GRIK2: variants seen among roughly 807,000 people sequenced by gnomAD.
GRIK2 encodes glutamate receptor ionotropic, kainate 2.
Under a neutral mutation model 100.3 loss-of-function variants are expected in GRIK2, and 32 were observed. The observed-to-expected ratio is 0.32, with a 90% CI of 0.24 to 0.43. The LOEUF (loss-of-function observed/expected upper bound fraction) is 0.43. GRIK2 is among the 20% of genes least tolerant of loss of function. GRIK2 has a pLI of 1.00. For synonymous variants in GRIK2, 417 were observed against 389.4 expected (o/e 1.07, Z -0.83); for missense variants, 843 against 1,114.9 (o/e 0.76, Z 3.47).
chr6:101,446,579 A>T (rs1435399969), intron 2 of GRIK2, among the ~76,000 whole-genome samples: 1 of 151,894 alleles, frequency 6.6e-6, no homozygotes, highest in East Asian at 1.9e-4. Context: ...ATTACATCAG[A>T]TAGTCAAGCT....
intron 2 of GRIK2, among the ~76,000 whole-genome samples, chr6:101,406,736 A>C (rs1775612225): frequency 6.6e-6 from 1 of 152,166 alleles, no homozygotes; most frequent in Admixed American, 6.5e-5. Flanking sequence ...CATTTGATAC[A>C]CAGTCTTTTT....
intron 4 of GRIK2, among the ~76,000 whole-genome samples, chr6:101,658,523 T>C (rs2128332395): frequency 6.6e-6 from 1 of 152,342 alleles, no homozygotes. Context: ...TACGTGTGCA[T>C]GTGTCTTTAT....
intron 7 of GRIK2, among the ~76,000 whole-genome samples, chr6:101,750,805 A>T (rs1394308766): frequency 6.6e-6 from 1 of 152,206 alleles, no homozygotes; most frequent in Non-Finnish European, 1.5e-5. Flanking sequence ...GGAGCTTGGT[A>T]GAGGAATAAT....
intron 14 of GRIK2, among the ~76,000 whole-genome samples, chr6:101,997,745 C>T (rs899117996): frequency 7.3e-5 from 11 of 151,718 alleles, no homozygotes; most frequent in African/African-American, 2.7e-4. Flanking sequence ...TAATTACATT[C>T]TATTGATTTT....
At chr6:101,866,677 T>C (rs1220305164) in intron 11 of GRIK2, among the ~76,000 whole-genome samples, 1 of 152,126 alleles carries the variant, frequency 6.6e-6, no homozygotes, top group Non-Finnish European at 1.5e-5. Context: ...CTATTTGAAT[T>C]TGGTCAAATA....
intron 12 of GRIK2, among the ~76,000 whole-genome samples, chr6:101,906,366 C>CTGTGTGTGTGTGTGTG (rs141112872): frequency 0.027 from 4,001 of 145,700 alleles, 68 homozygotes; most frequent in Admixed American, 0.041. Flanking sequence ...AAAACAAGAT[C>CTGTGTGTGTGTGTGTG]TGTGTGTGTG....
At position 101,719,363 on chromosome 6, in the gene GRIK2, A is replaced by G. The variant is rs149875626; in HGVS notation, c.951+33010A>G. On this transcript the variant is annotated intron_variant, in intron 7 of 16. Coordinates refer to ENST00000369134, the MANE Select transcript of GRIK2 (RefSeq NM_021956.5). ...AGCAGAGGAGTTGTTAACAAAATAT[A>G]CTTTCACTGCTAGCCAAACTATATA... 5.1e-4 allele frequency among the ~76,000 whole-genome samples: 78 copies of G among 151,958 alleles called. 1 individual carries two copies. The East Asian group carries it at 0.014, about 28-fold the overall frequency.
intron 10 of GRIK2, among the ~76,000 whole-genome samples, chr6:101,843,506 A>C (rs907039359): frequency 6.6e-6 from 1 of 152,130 alleles, no homozygotes; most frequent in African/African-American, 2.4e-5. Flanking sequence ...AATAATTTCT[A>C]TCCCATGTGC....
At chr6:101,894,474 A>G (rs1787310545) in intron 12 of GRIK2, among the ~76,000 whole-genome samples, 1 of 151,670 alleles carries the variant, frequency 6.6e-6, no homozygotes, top group African/African-American at 2.4e-5. Context: ...CCAAAATTCT[A>G]ATGGTAGCTC....
At chr6:101,753,282 C>CAAAAAAA in intron 7 of GRIK2, among the ~76,000 whole-genome samples, 1 of 70,890 alleles carries the variant, frequency 1.4e-5, no homozygotes. Flanking sequence ...GACTCCGTCT[C>CAAAAAAA]AAAAAAAAAA....
At chr6:101,558,118 G>T (rs1415958003) in intron 2 of GRIK2, among the ~76,000 whole-genome samples, 1 of 152,102 alleles carries the variant, frequency 6.6e-6, no homozygotes, top group Non-Finnish European at 1.5e-5. Context: ...TTTTCTAAAG[G>T]TCATTTCTTC....
intron 4 of GRIK2, among the ~76,000 whole-genome samples, chr6:101,674,589 C>T (rs1480266068): frequency 6.6e-6 from 1 of 152,172 alleles, no homozygotes; most frequent in Non-Finnish European, 1.5e-5. Context: ...TGTTTCTTTA[C>T]AGCTCAATGT....
chr6:101,590,615 T>C (rs1343207369), intron 2 of GRIK2, among the ~76,000 whole-genome samples: 1 of 151,992 alleles, frequency 6.6e-6, no homozygotes, highest in Non-Finnish European at 1.5e-5. Context: ...ACACCAGCTC[T>C]GACCCAGGAT....
chr6:101,610,300 A>T (rs1023769529), intron 2 of GRIK2, among the ~76,000 whole-genome samples: 1 of 151,652 alleles, frequency 6.6e-6, no homozygotes, highest in Non-Finnish European at 1.5e-5. Flanking sequence ...TGCTTTATGA[A>T]TAATACTATT....
At chr6:102,065,737 G>C in intron 16 of GRIK2, 3 of 1,042,694 alleles carry the variant, frequency 2.9e-6, no homozygotes, top group Non-Finnish European at 2.8e-6. Flanking sequence ...AATGTCAACG[G>C]GATCAAGTTT....
At chr6:101,564,398 A>T (rs1169663829) in intron 2 of GRIK2, among the ~76,000 whole-genome samples, 1 of 152,178 alleles carries the variant, frequency 6.6e-6, no homozygotes, top group Non-Finnish European at 1.5e-5. Flanking sequence ...GTGAGACTGT[A>T]TCAAAGCCTT....
chr6:101,624,301 A>G (rs978154529), intron 3 of GRIK2, among the ~76,000 whole-genome samples: 1 of 152,150 alleles, frequency 6.6e-6, no homozygotes, highest in East Asian at 1.9e-4. Context: ...GTGAAGGAAG[A>G]TCATTTATCT....
intron 2 of GRIK2, among the ~76,000 whole-genome samples, chr6:101,615,855 C>A (rs773639176): frequency 7.3e-5 from 11 of 151,710 alleles, no homozygotes; most frequent in Non-Finnish European, 1.2e-4. Context: ...CAAAGATGTT[C>A]TTTTAAAATT....
intron 15 of GRIK2, among the ~76,000 whole-genome samples, chr6:102,045,129 G>A (rs1003887363): frequency 6.6e-6 from 1 of 151,966 alleles, no homozygotes; most frequent in East Asian, 1.9e-4. Flanking sequence ...GAGATCCTAA[G>A]TATATAATGG....
Sources: gnomAD v4.1 joint callset for allele counts (sites outside exome capture counted in the v4.1 genomes callset) on GRCh38, gnomAD v4.1.1 for gene constraint, MANE v1.5 for transcripts, NCBI Gene and HGNC (gene_info 2026-07-23, HGNC 2026-07-21) for gene names.